KCNC1: variants seen among roughly 807,000 people sequenced by gnomAD.
KCNC1 encodes potassium voltage-gated channel subfamily C member 1, also known as voltage-gated potassium channel KCNC1.
A neutral mutation model predicts 43.4 loss-of-function variants in KCNC1; 8 were observed. The ratio of observed to expected loss-of-function variants is 0.18; its 90% CI spans 0.11 to 0.33. The LOEUF (loss-of-function observed/expected upper bound fraction) is 0.33. Ranked by LOEUF, KCNC1 falls within the 10% of genes least tolerant of loss-of-function variation. The pLI is 1.00. For missense variants in KCNC1, 420 were observed against 836.0 expected (o/e 0.50, Z 6.14); for synonymous variants, 361 against 360.5 (o/e 1.00, Z -0.01).
At chr11:17,753,165 C>T (rs1233985544) in intron 1 of KCNC1, among the ~76,000 whole-genome samples, 1 of 152,222 alleles carries the variant, frequency 6.6e-6, no homozygotes, top group Non-Finnish European at 1.5e-5. Context: ...CCGAAGGTGT[C>T]TGGGCCACCC....
rs759002334 is a variant in KCNC1, at chr11:17,773,877, C to A, written c.1504+1279C>A. ...CAGGTGGCATTTAGTCTATGAAGGA[C>A]CTCCCCATGCCCAGGTCTGGCAGGA... is the stretch of plus-strand genomic sequence containing the variant. On this transcript the variant is annotated intron_variant, in intron 2 of 3. Coordinates refer to ENST00000265969, the MANE Select transcript of KCNC1 (RefSeq NM_001112741.2). This position sits in a 1 kb window ranked among gnomAD's most constrained non-coding sequence, Gnocchi z 4.1. 1.2e-5 allele frequency: 12 copies of A among 985,344 alleles called. No individual in the cohort carries two copies. The highest frequency in any genetic ancestry group is 1.3e-5 in the Non-Finnish European group (11 of 829,960). 61.0% of individuals were successfully genotyped at this position (985,344 alleles called of 1,614,324 possible).
Position 17,739,744 on chromosome 11 carries a change from G to A in KCNC1, c.570+3172G>A, listed in dbSNP as rs1400092345. Among the ~76,000 whole-genome samples, 1 of 151,728 alleles carries A rather than the reference G, an allele frequency of 6.6e-6. No homozygotes were observed. Among genetic ancestry groups the A allele is most frequent in the Admixed American group, 6.6e-5 (1 of 15,220 alleles). On this transcript the variant is annotated intron_variant, in intron 1 of 3. Coordinates refer to ENST00000265969, the MANE Select transcript of KCNC1 (RefSeq NM_001112741.2). This position sits in a 1 kb window ranked among gnomAD's most constrained non-coding sequence, Gnocchi z 4.2. The stretch of plus-strand genomic sequence containing the variant: ...AAGGCAGGAGGCTGTGTGGGGTGGG[G>A]GTCCCTGTGTGTGACAGACTGTATG...
chr11:17,764,965 G>A (rs759785679), intron 1 of KCNC1, among the ~76,000 whole-genome samples: 1 of 152,296 alleles, frequency 6.6e-6, no homozygotes, highest in Admixed American at 6.5e-5. Flanking sequence ...GCACACCCCC[G>A]CTGGGCAGAT....
intron 2 of KCNC1, chr11:17,774,690 C>T (rs946254805): frequency 8.5e-5 from 84 of 985,510 alleles, no homozygotes; most frequent in South Asian, 1.4e-4. Context: ...TTCAGGGGCC[C>T]AGACAGTTCT....
intron 2 of KCNC1, chr11:17,775,532 G>A (rs1484958704): frequency 2.0e-6 from 2 of 985,400 alleles, no homozygotes; most frequent in East Asian, 1.1e-4. Flanking sequence ...CACAGCCAGG[G>A]ATTGCCTAGG....
At chr11:17,741,918 C>T (rs145817469) in intron 1 of KCNC1, among the ~76,000 whole-genome samples, 634 of 152,328 alleles carry the variant, frequency 4.2e-3, no homozygotes, top group African/African-American at 6.1e-3. Flanking sequence ...GATGCCTTCC[C>T]GGGCCCCTAG....
rs200767043 is a variant in KCNC1, at chr11:17,747,763, C to T, written c.570+11191C>T. ...AGCCATGGCAGCAAAATGAAGCTTT[C>T]TCTCAAGCCTCTGCAGGGCGTCGGA... On this transcript the variant is annotated intron_variant, in intron 1 of 3. Transcript: ENST00000265969. Among the ~76,000 whole-genome samples the T allele has an allele frequency of 2.6e-5, 4 of 152,324 alleles. No individual in the cohort carries two copies. The East Asian group carries it at 7.7e-4, about 29-fold the overall frequency.
chr11:17,743,736 C>T (rs1339324298), intron 1 of KCNC1, among the ~76,000 whole-genome samples: 1 of 152,234 alleles, frequency 6.6e-6, no homozygotes, highest in Non-Finnish European at 1.5e-5. Context: ...CCAGCCTCCT[C>T]CCTGGTCCTC....
At chr11:17,766,104 G>A (rs575643053) in intron 1 of KCNC1, among the ~76,000 whole-genome samples, 1 of 152,314 alleles carries the variant, frequency 6.6e-6, no homozygotes, top group Admixed American at 6.5e-5. Context: ...GCACAGCCAG[G>A]GCCTCCATGT....
chr11:17,752,892 C>T lies in KCNC1; in HGVS notation c.570+16320C>T, dbSNP rs1336006516. On this transcript the variant is annotated intron_variant, in intron 1 of 3. Transcript: ENST00000265969. ...CTTCATCATTACTGTTGAGTACCTACTGTGTGCCCAGTTCTGCACTCTTAT... is the reference window on the plus strand; with the variant it reads ...CTTCATCATTACTGTTGAGTACCTATTGTGTGCCCAGTTCTGCACTCTTAT... 2.6e-5 allele frequency among the ~76,000 whole-genome samples: 4 copies of T among 152,188 alleles called. No homozygotes were observed. The East Asian group carries it at 5.8e-4, about 22-fold the overall frequency.
Position 17,779,317 on chromosome 11 carries a change from G to A in KCNC1, c.1505-139G>A, listed in dbSNP as rs555621241. 9.3e-6 allele frequency: 6 copies of A among 643,178 alleles called. No homozygotes were observed. The highest frequency in any genetic ancestry group is 6.1e-5 in the East Asian group (2 of 32,524). The allele number at this position is 643,178 out of a possible 1,614,324, so 39.8% of individuals were successfully genotyped here. ...AAGCCCCCTGCCTTGTGCCCTCCTC[G>A]CTCCACAGCCTGCCCGCTTTTCCGT... is the stretch of plus-strand genomic sequence containing the variant. On this transcript the variant is annotated intron_variant, in intron 2 of 3. Coordinates refer to ENST00000265969, the MANE Select transcript of KCNC1 (RefSeq NM_001112741.2). The surrounding 1 kb of genome is among the most constrained non-coding windows in gnomAD (Gnocchi z 7.2).
At chr11:17,770,022 G>T (rs529149994) in intron 1 of KCNC1, among the ~76,000 whole-genome samples, 2 of 152,350 alleles carry the variant, frequency 1.3e-5, no homozygotes, top group African/African-American at 4.8e-5. Flanking sequence ...ACAGAATGTG[G>T]TTTGGAAGGT....
chr11:17,739,108 T>TC lies in KCNC1; in HGVS notation c.570+2541dup, dbSNP rs1193605909. On this transcript the variant is annotated intron_variant, in intron 1 of 3. Transcript: ENST00000265969. This position sits in a 1 kb window ranked among gnomAD's most constrained non-coding sequence, Gnocchi z 4.2. ...CAGACCAGCCGCCTGCCCGCCCTCC[T>TC]CCCCCTCTGTCTTTGCTCTGCCGCC... Among the ~76,000 whole-genome samples, 5 of 149,334 alleles carry TC rather than the reference T, an allele frequency of 3.3e-5. No homozygotes were observed. Among genetic ancestry groups the TC allele is most frequent in the Admixed American group, 6.6e-5 (1 of 15,070 alleles).
intron 1 of KCNC1, among the ~76,000 whole-genome samples, chr11:17,763,523 ACACACC>A (rs776340102): frequency 1.3e-5 from 2 of 148,498 alleles, no homozygotes; most frequent in East Asian, 4.0e-4. Context: ...CACGCAATGC[ACACACC>A]CACACCCACA....
In KCNC1 at chr11:17,742,347, G is replaced by A. The variant is rs1349326084; in HGVS notation, c.570+5775G>A. Among the ~76,000 whole-genome samples the A allele has an allele frequency of 6.6e-6, 1 of 152,174 alleles. No individual in the cohort carries two copies. The highest frequency in any genetic ancestry group is 6.5e-5 in the Admixed American group (1 of 15,282). On this transcript the variant is annotated intron_variant, in intron 1 of 3. Coordinates refer to ENST00000265969, the MANE Select transcript of KCNC1 (RefSeq NM_001112741.2). The surrounding 1 kb of genome is among the most constrained non-coding windows in gnomAD (Gnocchi z 4.2). ...TCTCAGAGGTGGGGGAGGGGGTTCA[G>A]TGGGGGCTCATTCCAGGGTCCACTG...
chr11:17,738,002 C>T (rs887020030), intron 1 of KCNC1, among the ~76,000 whole-genome samples: 19 of 150,310 alleles, frequency 1.3e-4, no homozygotes, highest in African/African-American at 3.9e-4. Flanking sequence ...TATGGTATGT[C>T]GGGGCGGGCG....
intron 1 of KCNC1, among the ~76,000 whole-genome samples, chr11:17,764,718 G>T (rs909882769): frequency 6.6e-6 from 1 of 152,194 alleles, no homozygotes; most frequent in Non-Finnish European, 1.5e-5. Flanking sequence ...TTGCCTGATG[G>T]TGCAGGCATT....
At position 17,771,639 on chromosome 11, in the gene KCNC1, C is replaced by G. The variant is rs1849230056; in HGVS notation, c.571-26C>G. On this transcript the variant is annotated intron_variant, in intron 1 of 3. Coordinates refer to ENST00000265969, the MANE Select transcript of KCNC1 (RefSeq NM_001112741.2). The surrounding 1 kb of genome is among the most constrained non-coding windows in gnomAD (Gnocchi z 4.7). ...TTCTCCACTCTGGGTGGGCCTCCCT[C>G]TGACACTGTGTCTTTATCCCCACAG... The G allele has an allele frequency of 6.3e-7, 1 of 1,582,872 alleles. No individual in the cohort carries two copies. The highest frequency in any genetic ancestry group is 8.6e-7 in the Non-Finnish European group (1 of 1,159,442).
Position 17,779,747 on chromosome 11 carries a change from C to G in KCNC1, c.1693+103C>G, listed in dbSNP as rs1590110111. 1 of 948,550 alleles carries G rather than the reference C, an allele frequency of 1.1e-6. No homozygotes were observed. The allele number at this position is 948,550 out of a possible 1,614,324, so 58.8% of individuals were successfully genotyped here. A position where few individuals can be genotyped will look rare whatever the true frequency, so the allele number is the denominator to read the frequency against. ...GCAAGGGCGCTGAGGGGCAGGCAGG[C>G]ACACCGAGGGGGGCAAGGATGGAGG... is the stretch of plus-strand genomic sequence containing the variant. On this transcript the variant is annotated intron_variant, in intron 3 of 3. Transcript: ENST00000265969. This position sits in a 1 kb window ranked among gnomAD's most constrained non-coding sequence, Gnocchi z 7.2.
Sources: allele counts gnomAD v4.1 joint callset (sites outside exome capture counted in the v4.1 genomes callset), GRCh38; gene constraint gnomAD v4.1.1; non-coding constraint Gnocchi (gnomAD v3.1); transcripts MANE v1.5; gene names NCBI Gene and HGNC (gene_info 2026-07-23, HGNC 2026-07-21).